CACNA2D3: variants seen among roughly 807,000 people sequenced by gnomAD.
CACNA2D3 encodes voltage-dependent calcium channel subunit alpha-2/delta-3.
CACNA2D3 carries 60 observed loss-of-function variants against 160.6 expected under a neutral mutation model. The observed-to-expected ratio is 0.37, with a 90% confidence interval of 0.30 to 0.46. The LOEUF (loss-of-function observed/expected upper bound fraction) is 0.46. CACNA2D3 is among the 20% of genes least tolerant of loss of function. The pLI, the probability that CACNA2D3 is intolerant of heterozygous loss-of-function variation, is 1.00. For missense variants in CACNA2D3, 1,205 were observed against 1,365.0 expected (o/e 0.88, Z 1.85); for synonymous variants, 558 against 492.9 (o/e 1.13, Z -1.75).
intron 2 of CACNA2D3, 105 bp from the exon 3 acceptor site, chr3:54,320,337 G>A (rs1462679156): frequency 5.3e-6 from 3 of 565,736 alleles, no homozygotes; most frequent in African/African-American, 1.9e-5. Context: ...CAGTCATGGT[G>A]TAATTTTATC....
intron 2 of CACNA2D3, among the ~76,000 whole-genome samples, chr3:54,316,273 G>T (rs930035172): frequency 1.3e-5 from 2 of 152,092 alleles, no homozygotes; most frequent in Non-Finnish European, 2.9e-5. Flanking sequence ...TTCTACTGTA[G>T]GTACCTTTTC....
rs1699834520 is a variant in CACNA2D3 at position 54,421,423 on chromosome 3, C to A, written c.381+34649C>A. Among the ~76,000 whole-genome samples the A allele has an allele frequency of 1.3e-5, 2 of 152,130 alleles. 1 individual carries two copies. Among genetic ancestry groups the A allele is most frequent in the Admixed American group, 1.3e-4 (2 of 15,276 alleles). The stretch of plus-strand genomic sequence containing the variant: ...CACTGTTCTTGTGTTTGCTTTTGCT[C>A]CCTCTGCCCTTTTTTCTATTATCTT... On this transcript the variant is annotated intron_variant, in intron 4 of 37. Transcript: ENST00000474759.
chr3:54,289,126 T>A (rs1414967270), intron 2 of CACNA2D3, among the ~76,000 whole-genome samples: 2 of 152,124 alleles, frequency 1.3e-5, no homozygotes, highest in South Asian at 2.1e-4. Flanking sequence ...TGTCCCTGTT[T>A]GCAGACGACA....
chr3:54,451,026 C>T (rs545919511), intron 4 of CACNA2D3, among the ~76,000 whole-genome samples: 8 of 152,050 alleles, frequency 5.3e-5, no homozygotes, highest in South Asian at 4.2e-4. Flanking sequence ...CAAGTAGGTT[C>T]GCAACCCAGC....
chr3:54,940,434 C>T (rs1225475924), intron 27 of CACNA2D3, among the ~76,000 whole-genome samples: 1 of 152,164 alleles, frequency 6.6e-6, no homozygotes, highest in Non-Finnish European at 1.5e-5. Context: ...TAAACTGTTC[C>T]TCACTGATAT....
intron 2 of CACNA2D3, among the ~76,000 whole-genome samples, chr3:54,123,954 G>A (rs1288666955): frequency 1.3e-5 from 2 of 152,218 alleles, no homozygotes; most frequent in Non-Finnish European, 2.9e-5. Context: ...GGCAGACTCA[G>A]TGCCTATTTT....
At chr3:54,455,432 T>C (rs1700380485) in intron 4 of CACNA2D3, among the ~76,000 whole-genome samples, 2 of 152,148 alleles carry the variant, frequency 1.3e-5, no homozygotes, top group African/African-American at 4.8e-5. Context: ...TTAATCAGAT[T>C]ATTTGTTTTT....
intron 2 of CACNA2D3, among the ~76,000 whole-genome samples, chr3:54,248,043 T>C (rs1702115311): frequency 1.3e-5 from 2 of 152,210 alleles, no homozygotes; most frequent in Admixed American, 1.3e-4. Context: ...AGAATGGGAA[T>C]GTTACTGTAA....
chr3:54,352,396 T>C (rs763374059), intron 3 of CACNA2D3, among the ~76,000 whole-genome samples: 3 of 152,216 alleles, frequency 2.0e-5, no homozygotes, highest in Non-Finnish European at 4.4e-5. Flanking sequence ...GTAGTATTAT[T>C]ACCCCTACCA....
chr3:54,501,061 A>C (rs79593412), intron 4 of CACNA2D3, among the ~76,000 whole-genome samples: 10,877 of 152,190 alleles, frequency 0.071, 497 homozygotes, highest in Non-Finnish European at 0.11. Flanking sequence ...CTGGTAGAAG[A>C]TAGAATGGAA....
Position 54,560,101 on chromosome 3 carries a change from A to G in CACNA2D3, c.545-2699A>G, listed in dbSNP as rs540963094. Among the ~76,000 whole-genome samples, 93 of 152,326 alleles carry G rather than the reference A, an allele frequency of 6.1e-4. No individual in the cohort carries two copies. The Middle Eastern group carries it at 0.02, about 33-fold the overall frequency. On this transcript the variant is annotated intron_variant, in intron 5 of 37. Coordinates refer to ENST00000474759, the MANE Select transcript of CACNA2D3 (RefSeq NM_018398.3). The stretch of plus-strand genomic sequence containing the variant: ...TTTATACTCCTTTGAGTATATGCCC[A>G]GTAATGGGATTGCTGAGTCTAATGG...
intron 27 of CACNA2D3, among the ~76,000 whole-genome samples, chr3:54,903,792 A>T (rs1234233826): frequency 6.6e-6 from 1 of 152,076 alleles, no homozygotes; most frequent in Non-Finnish European, 1.5e-5. Flanking sequence ...TTTGATTTGC[A>T]TTTATCTAAT....
intron 9 of CACNA2D3, chr3:54,626,697 AAAAAAAAAAAAAG>A (rs1406876562): frequency 1.2e-5 from 9 of 736,004 alleles, no homozygotes; most frequent in African/African-American, 9.4e-5. Context: ...AAAAAAAAAA[AAAAAAAAAAAAAG>A]AAAGAAAAAG....
intron 11 of CACNA2D3, among the ~76,000 whole-genome samples, chr3:54,694,651 C>G (rs1575426950): frequency 6.6e-6 from 1 of 152,192 alleles, no homozygotes; most frequent in Non-Finnish European, 1.5e-5. Context: ...CTCAAAATAC[C>G]AAAACTTGAA....
chr3:54,366,370 A>G (rs1163126119), intron 3 of CACNA2D3, among the ~76,000 whole-genome samples: 1 of 152,186 alleles, frequency 6.6e-6, no homozygotes. Flanking sequence ...ATTACTCTAC[A>G]CTTCATCTAG....
chr3:54,139,424 A>G (rs916716631), intron 2 of CACNA2D3, among the ~76,000 whole-genome samples: 1 of 152,238 alleles, frequency 6.6e-6, no homozygotes, highest in Non-Finnish European at 1.5e-5. Flanking sequence ...AGAGAAGACT[A>G]AAGTCGCATT....
intron 5 of CACNA2D3, among the ~76,000 whole-genome samples, chr3:54,507,810 G>A (rs1171144401): frequency 6.6e-6 from 1 of 152,198 alleles, no homozygotes; most frequent in African/African-American, 2.4e-5. Flanking sequence ...TCTCACATCT[G>A]TAACTGCATA....
chr3:54,195,363 C>T (rs1701059450), intron 2 of CACNA2D3, among the ~76,000 whole-genome samples: 1 of 152,216 alleles, frequency 6.6e-6, no homozygotes. Flanking sequence ...CACTCCCACC[C>T]ATCTCTGCTT....
chr3:54,988,529 T>C lies in CACNA2D3; in HGVS notation c.2690+776T>C, dbSNP rs561278366. On this transcript the variant is annotated intron_variant, in intron 31 of 37. Transcript: ENST00000474759. The stretch of plus-strand genomic sequence containing the variant: ...GGAAGAATGTTAGCCTTTCAAGTGG[T>C]GCTTTAATGGGCATATTTGATGCTG... Among the ~76,000 whole-genome samples the C allele has an allele frequency of 1.6e-3, 251 of 152,306 alleles. 1 individual carries two copies. The highest frequency in any genetic ancestry group is 1.7e-3 in the Non-Finnish European group (113 of 68,012).
Sources: gnomAD v4.1 joint callset for allele counts (sites outside exome capture counted in the v4.1 genomes callset) on GRCh38, gnomAD v4.1.1 for gene constraint, MANE v1.5 for transcripts, NCBI Gene and HGNC (gene_info 2026-07-23, HGNC 2026-07-21) for gene names.